Variants in SATL1 observed in about 807,000 individuals in gnomAD.
SATL1 encodes spermidine/spermine N1-acetyl transferase like 1.
In SATL1, 47 loss-of-function variants were observed where a neutral mutation model predicts 51.8. That is an observed-to-expected ratio of 0.91 (90% confidence interval 0.72 to 1.16). The LOEUF (loss-of-function observed/expected upper bound fraction) is 1.16, where lower values mean the gene tolerates loss of function less well. Among genes scored for constraint, SATL1 ranks in the 50% most tolerant of loss-of-function variants. SATL1 has a pLI of 0.00. For missense variants in SATL1, 520 were observed against 526.4 expected (o/e 0.99, Z 0.12); for synonymous variants, 176 against 182.4 (o/e 0.97, Z 0.28).
chrX:85,241,891 G>A (rs1354948779), intron 1 of SATL1, among the ~76,000 whole-genome samples: 1 of 111,705 alleles, frequency 9.0e-6, no homozygotes, highest in African/African-American at 3.3e-5. Flanking sequence ...AATGGAATGG[G>A]GAGAATCGAT....
intron 2 of SATL1, among the ~76,000 whole-genome samples, chrX:85,164,605 T>G (rs923275977): frequency 6.3e-5 from 7 of 111,723 alleles, no homozygotes; most frequent in Non-Finnish European, 1.1e-4. Context: ...CTGAGAAATC[T>G]GCTGCTAATC....
At chrX:85,148,689 C>A (rs1374272056) in intron 2 of SATL1, among the ~76,000 whole-genome samples, 1 of 111,365 alleles carries the variant, frequency 9.0e-6, no homozygotes, top group South Asian at 3.8e-4. Flanking sequence ...GAATTTTCAA[C>A]CCAGAATTTC....
At chrX:85,110,973 A>G (rs923853567) in intron 2 of SATL1, among the ~76,000 whole-genome samples, 3 of 112,672 alleles carry the variant, frequency 2.7e-5, no homozygotes, top group Non-Finnish European at 5.6e-5. Context: ...ACAGATTGAG[A>G]GAGGTTAAGT....
intron 2 of SATL1, among the ~76,000 whole-genome samples, chrX:85,213,586 T>G (rs1457004862): frequency 1.8e-5 from 2 of 111,524 alleles, no homozygotes; most frequent in African/African-American, 6.5e-5. Context: ...GTTGACCGCA[T>G]AGCAAAATAA....
chrX:85,100,598 G>T (rs977778581), intron 4 of SATL1, among the ~76,000 whole-genome samples: 16 of 111,796 alleles, frequency 1.4e-4, no homozygotes, highest in African/African-American at 5.2e-4. Context: ...GTATGCATAG[G>T]AATACAACAT....
At chrX:85,243,192 T>G (rs778999630) in intron 1 of SATL1, among the ~76,000 whole-genome samples, 1 of 112,849 alleles carries the variant, frequency 8.9e-6, no homozygotes, top group Non-Finnish European at 1.9e-5. Flanking sequence ...GTTACTTTCT[T>G]TAGGATCCTA....
At chrX:85,099,405 G>A (rs950116803) in intron 4 of SATL1, among the ~76,000 whole-genome samples, 4 of 111,572 alleles carry the variant, frequency 3.6e-5, no homozygotes, top group South Asian at 3.7e-4. Flanking sequence ...AATTAATTCC[G>A]TGAGGTCAGC....
At chrX:85,101,187 A>T (rs1452565895) in intron 4 of SATL1, among the ~76,000 whole-genome samples, 1 of 112,524 alleles carries the variant, frequency 8.9e-6, no homozygotes, top group Non-Finnish European at 1.9e-5. Flanking sequence ...AAAAGAATGA[A>T]TAAATTGGAC....
At position 85,107,561 on chromosome X, in the gene SATL1, C is replaced by T. The variant is rs139698604; in HGVS notation, c.1408G>A (p.Gly470Ser). The change falls in exon 3 of 8, where the codon GGC becomes AGC. Residue 470 changes from glycine to serine, a missense_variant. Coordinates refer to ENST00000644105, the MANE Select transcript of SATL1 (RefSeq NM_001367857.2). ...GTSQSSKNQT[G>S]MSHPGRGQPG... ...TGGCCCCTGCCTGGATGGCTCATGC[C>T]TGTTTGGTTCTTACTTGATTGGCTA... 8.3e-5 allele frequency: 101 copies of T among 1,211,025 alleles called. No individual in the cohort carries two copies. Among genetic ancestry groups the T allele is most frequent in the African/African-American group, 1.7e-5 (1 of 57,443 alleles).
At chrX:85,197,794 A>G (rs1189179179) in intron 2 of SATL1, among the ~76,000 whole-genome samples, 2 of 109,623 alleles carry the variant, frequency 1.8e-5, no homozygotes, top group South Asian at 4.0e-4. Flanking sequence ...GATGATTTCC[A>G]ATTTCATCCA....
intron 2 of SATL1, among the ~76,000 whole-genome samples, chrX:85,157,800 C>G (rs1252265235): frequency 9.0e-6 from 1 of 111,329 alleles, no homozygotes; most frequent in East Asian, 2.8e-4. Context: ...AATATGAATA[C>G]TTATGGATAC....
intron 2 of SATL1, among the ~76,000 whole-genome samples, chrX:85,134,784 T>G (rs1418767222): frequency 1.8e-5 from 2 of 110,843 alleles, no homozygotes; most frequent in East Asian, 5.7e-4. Flanking sequence ...GTCTGTAAGG[T>G]TTTCAATGCT....
intron 2 of SATL1, among the ~76,000 whole-genome samples, chrX:85,138,787 T>A (rs1474668918): frequency 9.0e-6 from 1 of 110,779 alleles, no homozygotes; most frequent in Admixed American, 9.7e-5. Flanking sequence ...TGAAGGAAGA[T>A]ATGGGGCAAA....
intron 2 of SATL1, among the ~76,000 whole-genome samples, chrX:85,183,024 C>A (rs1372276758): frequency 1.8e-5 from 2 of 111,145 alleles, no homozygotes; most frequent in Non-Finnish European, 3.8e-5. Flanking sequence ...TTCTCCTATT[C>A]TTCATGTTGT....
intron 2 of SATL1, among the ~76,000 whole-genome samples, chrX:85,131,661 A>G (rs747254139): frequency 2.4e-3 from 270 of 111,256 alleles, no homozygotes; most frequent in Middle Eastern, 9.3e-3. Flanking sequence ...TAAGGTTAAT[A>G]TTGTTATGTG....
intron 6 of SATL1, among the ~76,000 whole-genome samples, chrX:85,093,661 G>C (rs1447729569): frequency 2.7e-5 from 3 of 112,064 alleles, no homozygotes; most frequent in African/African-American, 9.7e-5. Context: ...TTGAGCCCAG[G>C]AGTTTGAGAC....
intron 2 of SATL1, among the ~76,000 whole-genome samples, chrX:85,127,906 T>C (rs1202414204): frequency 9.0e-6 from 1 of 111,299 alleles, no homozygotes; most frequent in Non-Finnish European, 1.9e-5. Context: ...TTCGGTTTTC[T>C]GTCCTTGTGA....
At chrX:85,122,409 C>T (rs943902484) in intron 2 of SATL1, among the ~76,000 whole-genome samples, 2 of 111,102 alleles carry the variant, frequency 1.8e-5, no homozygotes, top group Non-Finnish European at 3.8e-5. Context: ...GGCCAGTCTG[C>T]AAATTTAACA....
intron 2 of SATL1, among the ~76,000 whole-genome samples, chrX:85,168,607 T>C (rs1353794772): frequency 9.0e-6 from 1 of 110,964 alleles, no homozygotes; most frequent in Non-Finnish European, 1.9e-5. Flanking sequence ...AAAACACTGT[T>C]CAAAGAAATC....
Sources: allele counts gnomAD v4.1 joint callset (sites outside exome capture counted in the v4.1 genomes callset), GRCh38; gene constraint gnomAD v4.1.1; transcripts MANE v1.5; gene names NCBI Gene and HGNC (gene_info 2026-07-23, HGNC 2026-07-21).